FARS2: variants seen among roughly 807,000 people sequenced by gnomAD.
FARS2 encodes phenylalanine--tRNA ligase, mitochondrial.
In FARS2, 40 loss-of-function variants were observed where a neutral mutation model predicts 46.4. The ratio of observed to expected loss-of-function variants is 0.86; its 90% CI spans 0.67 to 1.12. The LOEUF (loss-of-function observed/expected upper bound fraction) is 1.12. Ranked by LOEUF, FARS2 falls within the 50% of genes most tolerant of loss-of-function variation. FARS2 has a pLI of 0.00. For synonymous variants in FARS2, 234 were observed against 214.9 expected (o/e 1.09, Z -0.78); for missense variants, 513 against 567.9 (o/e 0.90, Z 0.98).
intron 4 of FARS2, among the ~76,000 whole-genome samples, chr6:5,473,557 A>AC (rs1765937973): frequency 8.2e-5 from 12 of 145,764 alleles, no homozygotes; most frequent in African/African-American, 2.8e-4. Context: ...AAAAAAAAAA[A>AC]CAAAAGAATA....
intron 5 of FARS2, among the ~76,000 whole-genome samples, chr6:5,592,298 A>G (rs573530898): frequency 6.6e-6 from 1 of 152,122 alleles, no homozygotes; most frequent in African/African-American, 2.4e-5. Flanking sequence ...AGGTCAGGGA[A>G]TCACTTGAGC....
chr6:5,285,094 A>G (rs552739164), intron 1 of FARS2, among the ~76,000 whole-genome samples: 172 of 152,328 alleles, frequency 1.1e-3, no homozygotes, highest in Non-Finnish European at 2.0e-3. Flanking sequence ...AGTGACAGCA[A>G]AGGGGGCAGG....
At chr6:5,436,837 G>A (rs1420627922) in intron 4 of FARS2, among the ~76,000 whole-genome samples, 1 of 152,156 alleles carries the variant, frequency 6.6e-6, no homozygotes, top group African/African-American at 2.4e-5. Flanking sequence ...TCTTACGAAT[G>A]ACTCACATTC....
intron 6 of FARS2, among the ~76,000 whole-genome samples, chr6:5,623,499 G>A (rs998761560): frequency 6.6e-6 from 1 of 152,140 alleles, no homozygotes; most frequent in African/African-American, 2.4e-5. Context: ...GGATCACGAG[G>A]TCAGGAGTTT....
chr6:5,417,808 T>C (rs1011803245), intron 3 of FARS2, among the ~76,000 whole-genome samples: 11 of 152,352 alleles, frequency 7.2e-5, no homozygotes, highest in African/African-American at 2.6e-4. Flanking sequence ...CAATTATTTC[T>C]TCAGATACTT....
intron 4 of FARS2, among the ~76,000 whole-genome samples, chr6:5,532,166 A>G (rs747591110): frequency 7.2e-5 from 11 of 152,240 alleles, no homozygotes; most frequent in South Asian, 2.1e-4. Context: ...GAAATCAGCA[A>G]TGACAACATA....
At chr6:5,640,661 G>A (rs531439655) in intron 6 of FARS2, among the ~76,000 whole-genome samples, 3 of 152,264 alleles carry the variant, frequency 2.0e-5, no homozygotes, top group South Asian at 2.1e-4. Context: ...CCTGCTATGC[G>A]GCCTCTAGGC....
chr6:5,427,628 G>C (rs1416673761), intron 3 of FARS2, among the ~76,000 whole-genome samples: 6 of 152,082 alleles, frequency 3.9e-5, no homozygotes, highest in African/African-American at 1.4e-4. Flanking sequence ...AGTATCAATA[G>C]ATTCTGCTCC....
At chr6:5,648,980 A>G (rs995836338) in intron 6 of FARS2, among the ~76,000 whole-genome samples, 4 of 152,184 alleles carry the variant, frequency 2.6e-5, no homozygotes, top group African/African-American at 7.2e-5. Flanking sequence ...TGTAATTTAT[A>G]ATGTCTGTGG....
chr6:5,414,214 A>G (rs540352467), intron 3 of FARS2, among the ~76,000 whole-genome samples: 12 of 152,324 alleles, frequency 7.9e-5, no homozygotes, highest in African/African-American at 2.4e-4. Context: ...CAGATTGGGG[A>G]AAACACTTAT....
At chr6:5,251,016 T>C in the FARS2 span, among the ~76,000 whole-genome samples, 1 of 152,226 alleles carries the variant, frequency 6.6e-6, no homozygotes, top group Non-Finnish European at 1.5e-5. Context: ...AAATCTCCAC[T>C]GTTCGGGCAC....
intron 1 of FARS2, among the ~76,000 whole-genome samples, chr6:5,358,696 T>C (rs1164865458): frequency 3.3e-5 from 5 of 152,218 alleles, no homozygotes; most frequent in Admixed American, 6.5e-5. Flanking sequence ...GGTGATATCT[T>C]TAGACACTTC....
At chr6:5,334,547 G>GA (rs1277445655) in intron 1 of FARS2, among the ~76,000 whole-genome samples, 6 of 152,166 alleles carry the variant, frequency 3.9e-5, no homozygotes, top group Non-Finnish European at 1.5e-5. Flanking sequence ...GAATGAGGTA[G>GA]ATCGCTATGC....
intron 1 of FARS2, among the ~76,000 whole-genome samples, chr6:5,331,143 A>G (rs1291420988): frequency 3.3e-5 from 5 of 150,502 alleles, no homozygotes; most frequent in African/African-American, 4.9e-5. Context: ...CTTATTCTAC[A>G]TATTTTTTTG....
intron 4 of FARS2, among the ~76,000 whole-genome samples, chr6:5,540,876 G>A (rs562424185): frequency 6.6e-6 from 1 of 152,318 alleles, no homozygotes; most frequent in South Asian, 2.1e-4. Context: ...AGAGGGGCAA[G>A]TGTTAGGAAG....
chr6:5,625,488 A>C (rs1775984914), intron 6 of FARS2, among the ~76,000 whole-genome samples: 1 of 152,186 alleles, frequency 6.6e-6, no homozygotes, highest in Non-Finnish European at 1.5e-5. Flanking sequence ...CAGCATAGAC[A>C]GGGATGAGGT....
rs938920163 is a variant in FARS2, at chr6:5,311,659, A to C, written c.-22+49999A>C. 1.3e-5 allele frequency among the ~76,000 whole-genome samples: 2 copies of C among 152,170 alleles called. No homozygotes were observed. Among genetic ancestry groups the C allele is most frequent in the African/African-American group, 2.4e-5 (1 of 41,446 alleles). ...TTCTTTAGATATATGAAGCCGTCTTAAGATTGAGAGTTTCTCAGTTTTTGA... is the reference window on the plus strand; with the variant it reads ...TTCTTTAGATATATGAAGCCGTCTTCAGATTGAGAGTTTCTCAGTTTTTGA... On this transcript the variant is annotated intron_variant, in intron 1 of 6. Coordinates refer to ENST00000274680, the MANE Select transcript of FARS2 (RefSeq NM_006567.5). The surrounding 1 kb of genome is among the most constrained non-coding windows in gnomAD (Gnocchi z 4.1).
At chr6:5,265,650 C>T (rs1262948901) in intron 1 of FARS2, among the ~76,000 whole-genome samples, 1 of 152,094 alleles carries the variant, frequency 6.6e-6, no homozygotes, top group Non-Finnish European at 1.5e-5. Context: ...AACTTGAGGG[C>T]GATATATAAA....
intron 6 of FARS2, among the ~76,000 whole-genome samples, chr6:5,646,962 T>C (rs1038997681): frequency 3.9e-5 from 6 of 152,220 alleles, no homozygotes; most frequent in Non-Finnish European, 8.8e-5. Flanking sequence ...CATCAGAGAA[T>C]ATCTAGTAAG....
Sources: gnomAD v4.1 joint callset for allele counts (sites outside exome capture counted in the v4.1 genomes callset) on GRCh38, gnomAD v4.1.1 for gene constraint, Gnocchi (gnomAD v3.1) non-coding constraint, MANE v1.5 for transcripts, NCBI Gene and HGNC (gene_info 2026-07-23, HGNC 2026-07-21) for gene names.